Variants in GPR39 observed in about 807,000 individuals in gnomAD.
GPR39 encodes the protein G protein-coupled receptor 39.
GPR39 carries 23 observed loss-of-function variants against 18.4 expected under a neutral mutation model. The observed-to-expected ratio is 1.25, with a 90% confidence interval of 0.90 to 1.77. The LOEUF is 1.77. Ranked by LOEUF, GPR39 falls within the 40% of genes most tolerant of loss-of-function variation. The probability of loss-of-function intolerance (pLI) is 0.00; values close to 1 mark genes in which losing one functional copy is unlikely to be tolerated. For synonymous variants in GPR39, 280 were observed against 257.9 expected (o/e 1.09, Z -0.82); for missense variants, 647 against 602.4 (o/e 1.07, Z -0.78).
intron 1 of GPR39, among the ~76,000 whole-genome samples, chr2:132,495,045 G>C (rs1009712543): frequency 2.6e-5 from 4 of 152,142 alleles, no homozygotes; most frequent in African/African-American, 9.7e-5. Flanking sequence ...GGAGATTTCA[G>C]CTTTGTTGGA....
intron 1 of GPR39, among the ~76,000 whole-genome samples, chr2:132,606,815 G>A (rs1316630834): frequency 1.3e-5 from 2 of 152,150 alleles, no homozygotes; most frequent in Non-Finnish European, 2.9e-5. Context: ...CGGGAAGGTG[G>A]TCTTCCCCTG....
chr2:132,423,331 ATGCTGGTCTT>A (rs1680050878), intron 1 of GPR39, among the ~76,000 whole-genome samples: 1 of 150,024 alleles, frequency 6.7e-6, no homozygotes, highest in African/African-American at 2.5e-5. Flanking sequence ...TCTTATAAGG[ATGCTGGTCTT>A]ATCAGATTAG....
chr2:132,621,988 C>T (rs1681449930), intron 1 of GPR39, among the ~76,000 whole-genome samples: 1 of 152,196 alleles, frequency 6.6e-6, no homozygotes, highest in South Asian at 2.1e-4. Flanking sequence ...AGATGGCCAC[C>T]TGTCCACCTA....
intron 1 of GPR39, among the ~76,000 whole-genome samples, chr2:132,591,273 A>C (rs1249562915): frequency 6.5e-5 from 8 of 123,276 alleles, no homozygotes; most frequent in South Asian, 2.5e-4. Context: ...AAAAAAAAAA[A>C]AAAACAAAAA....
intron 1 of GPR39, among the ~76,000 whole-genome samples, chr2:132,590,627 G>A (rs895809279): frequency 3.2e-4 from 48 of 152,158 alleles, no homozygotes; most frequent in Non-Finnish European, 8.8e-5. Flanking sequence ...TTAAGAGACT[G>A]TAAAAAGAGT....
rs1291044024 is a variant in GPR39 at position 132,416,904 on chromosome 2, A to T, written c.-139A>T. 8 of 1,122,970 alleles carry T rather than the reference A, an allele frequency of 7.1e-6. No homozygotes were observed. Among genetic ancestry groups the T allele is most frequent in the Admixed American group, 2.4e-5 (1 of 41,198 alleles). 69.6% of individuals were successfully genotyped at this position (1,122,970 alleles called of 1,614,324 possible). On this transcript the variant is annotated 5_prime_UTR_variant, in exon 1 of 2. Transcript: ENST00000329321. The stretch of plus-strand genomic sequence containing the variant: ...ATGAAAGCACCTGAAATACTAAGTT[A>T]CCTTCGCGAGGAGAACTCGAGTGAG...
intron 1 of GPR39, among the ~76,000 whole-genome samples, chr2:132,509,674 C>T (rs147915058): frequency 6.6e-6 from 1 of 152,162 alleles, no homozygotes; most frequent in Non-Finnish European, 1.5e-5. Flanking sequence ...GGTATAATGA[C>T]CCCTGCCTCA....
intron 1 of GPR39, among the ~76,000 whole-genome samples, chr2:132,441,893 C>T (rs1219794553): frequency 6.6e-6 from 1 of 152,192 alleles, no homozygotes; most frequent in Non-Finnish European, 1.5e-5. Flanking sequence ...TGCTTGCACT[C>T]ACACCCATGA....
intron 1 of GPR39, among the ~76,000 whole-genome samples, chr2:132,427,143 T>C (rs1392315930): frequency 1.3e-5 from 1 of 79,522 alleles, no homozygotes; most frequent in Non-Finnish European, 2.4e-5. Flanking sequence ...TATATATATA[T>C]ATATATATAT....
In GPR39 at chr2:132,417,290, T is replaced by A; in HGVS notation, c.248T>A (p.Phe83Tyr). 6.2e-7 allele frequency: 1 copy of A among 1,614,086 alleles called. No individual in the cohort carries two copies. Among genetic ancestry groups the A allele is most frequent in the African/African-American group, 1.3e-5 (1 of 75,014 alleles). The part of the protein sequence containing the change: ...VSLACSDILV[F>Y]LIGMPMEFYS... Reference sequence around the variant, plus strand: ...TTGGCTTGCTCGGACATCTTGGTGTTCCTCATCGGCATGCCCATGGAGTTC... The same window carrying A: ...TTGGCTTGCTCGGACATCTTGGTGTACCTCATCGGCATGCCCATGGAGTTC... The change falls in exon 1 of 2, where the codon TTC becomes TAC. Residue 83 changes from phenylalanine (F) to tyrosine (Y), a missense_variant. Around this residue, in one of 3 missense-constraint regions of GPR39, gnomAD observed 581 missense variants for 506.8 expected, o/e 1.15. Transcript: ENST00000329321.
chr2:132,530,655 T>C (rs183578681), intron 1 of GPR39, among the ~76,000 whole-genome samples: 119 of 152,366 alleles, frequency 7.8e-4, no homozygotes, highest in African/African-American at 2.7e-3. Flanking sequence ...ATCTGATCTC[T>C]TGGCAGAAAC....
chr2:132,645,809 T>A lies in GPR39; in HGVS notation c.*203T>A. 1.4e-6 allele frequency: 1 copy of A among 734,462 alleles called. No homozygotes were observed. The highest frequency in any genetic ancestry group is 2.8e-5 in the East Asian group (1 of 36,296). 45.5% of individuals were successfully genotyped at this position (734,462 alleles called of 1,614,324 possible). A position where few individuals can be genotyped will look rare whatever the true frequency, so the allele number is the denominator to read the frequency against. On this transcript the variant is annotated 3_prime_UTR_variant, in exon 2 of 2. Coordinates refer to ENST00000329321, the MANE Select transcript of GPR39 (RefSeq NM_001508.3). ...GACTCCGGTTACACAGACATGGGGG[T>A]GAACTTTCACTCCACCTCCTTCCTT...
intron 1 of GPR39, among the ~76,000 whole-genome samples, chr2:132,518,907 T>C (rs11889041): frequency 0.51 from 77,838 of 152,096 alleles, 20,342 homozygotes; most frequent in Non-Finnish European, 0.56. Context: ...CTAGCCTCCT[T>C]TCAAATGAAC....
chr2:132,640,290 A>G (rs1276241737), intron 1 of GPR39, among the ~76,000 whole-genome samples: 1 of 152,258 alleles, frequency 6.6e-6, no homozygotes, highest in Non-Finnish European at 1.5e-5. Flanking sequence ...GTCAGGCTTC[A>G]GTGCAGGGTG....
chr2:132,427,439 G>A (rs1680147130), intron 1 of GPR39, among the ~76,000 whole-genome samples: 2 of 150,472 alleles, frequency 1.3e-5, no homozygotes, highest in Admixed American at 1.3e-4. Flanking sequence ...GGGATTACAG[G>A]CGTGAGCCAC....
intron 1 of GPR39, among the ~76,000 whole-genome samples, chr2:132,464,078 A>C (rs1680880145): frequency 2.0e-5 from 3 of 152,372 alleles, no homozygotes; most frequent in Non-Finnish European, 4.4e-5. Flanking sequence ...GAAGTCACAA[A>C]GCCAGCCCAG....
intron 1 of GPR39, among the ~76,000 whole-genome samples, chr2:132,537,701 T>C (rs1324526653): frequency 6.6e-6 from 1 of 152,106 alleles, no homozygotes; most frequent in African/African-American, 2.4e-5. Flanking sequence ...AGGTTCAGTC[T>C]TTTTAACATA....
At chr2:132,461,356 G>A (rs970458387) in intron 1 of GPR39, among the ~76,000 whole-genome samples, 5 of 152,064 alleles carry the variant, frequency 3.3e-5, no homozygotes, top group Admixed American at 6.5e-5. Flanking sequence ...GCCTAGTATC[G>A]TGCTCAAGGT....
At chr2:132,429,374 AT>A (rs1475654105) in intron 1 of GPR39, among the ~76,000 whole-genome samples, 1 of 152,176 alleles carries the variant, frequency 6.6e-6, no homozygotes, top group Non-Finnish European at 1.5e-5. Context: ...AGTCTGGTGG[AT>A]GTTTATCTTG....
Sources: allele counts gnomAD v4.1 joint callset (sites outside exome capture counted in the v4.1 genomes callset), GRCh38; gene constraint gnomAD v4.1.1; regional missense constraint gnomAD v4.1.1; transcripts MANE v1.5; gene names NCBI Gene and HGNC (gene_info 2026-07-23, HGNC 2026-07-21).